LRRC4C: variants seen among roughly 807,000 people sequenced by gnomAD.
LRRC4C encodes the protein leucine rich repeat containing 4C, also known as leucine-rich repeat-containing protein 4C.
In LRRC4C, 5 loss-of-function variants were observed where a neutral mutation model predicts 33.6. The ratio of observed to expected loss-of-function variants is 0.15; its 90% CI spans 0.08 to 0.31. The LOEUF (loss-of-function observed/expected upper bound fraction) is 0.31, where lower values mean the gene tolerates loss of function less well. Among genes scored for constraint, LRRC4C ranks in the 10% least tolerant of loss-of-function variants. LRRC4C has a pLI of 1.00. For synonymous variants in LRRC4C, 329 were observed against 302.0 expected, an observed-to-expected ratio of 1.09 and a Z score of -0.93; for missense variants, 560 against 796.7, an observed-to-expected ratio of 0.70 and a Z score of 3.58.
chr11:40,794,373 CAA>C (rs57476895), intron 2 of LRRC4C, among the ~76,000 whole-genome samples: 3,730 of 76,294 alleles, frequency 0.049, 32 homozygotes, highest in African/African-American at 0.056. Context: ...TAAACGCCAG[CAA>C]AAAAAAAAAA....
intron 3 of LRRC4C, among the ~76,000 whole-genome samples, chr11:40,480,349 A>G (rs1953483618): frequency 6.6e-6 from 1 of 151,112 alleles, no homozygotes; most frequent in Non-Finnish European, 1.5e-5. Flanking sequence ...GAATTAAAAT[A>G]AATAAAAATA....
intron 2 of LRRC4C, among the ~76,000 whole-genome samples, chr11:40,658,580 G>T (rs1433312429): frequency 6.6e-6 from 1 of 152,142 alleles, no homozygotes; most frequent in Non-Finnish European, 1.5e-5. Flanking sequence ...CTAAGTGTGG[G>T]TGTGGCAATC....
intron 1 of LRRC4C, among the ~76,000 whole-genome samples, chr11:41,179,456 C>T (rs145984671): frequency 6.7e-4 from 102 of 152,270 alleles, no homozygotes; most frequent in African/African-American, 2.4e-3. Flanking sequence ...CCAATTTCAC[C>T]GTGGTTGCCT....
At chr11:41,394,384 G>A (rs746147153) in intron 1 of LRRC4C, among the ~76,000 whole-genome samples, 6 of 151,898 alleles carry the variant, frequency 4.0e-5, no homozygotes, top group Non-Finnish European at 8.8e-5. Flanking sequence ...TAGAGTATGC[G>A]TCTCTCCTTT....
chr11:40,527,958 C>G (rs1344997886), intron 3 of LRRC4C, among the ~76,000 whole-genome samples: 1 of 152,048 alleles, frequency 6.6e-6, no homozygotes, highest in African/African-American at 2.4e-5. Flanking sequence ...GTTGGTTAGG[C>G]TGGTCTCGAA....
intron 1 of LRRC4C, among the ~76,000 whole-genome samples, chr11:41,058,553 G>A (rs1395212347): frequency 1.3e-5 from 2 of 152,238 alleles, no homozygotes; most frequent in African/African-American, 4.8e-5. Flanking sequence ...GGTGCCACTG[G>A]CCACAGAGGT....
intron 3 of LRRC4C, among the ~76,000 whole-genome samples, chr11:40,603,139 T>A (rs1397334840): frequency 6.6e-6 from 1 of 152,094 alleles, no homozygotes; most frequent in Non-Finnish European, 1.5e-5. Context: ...CTGAGGACAA[T>A]TACTCACAAT....
chr11:41,164,680 T>C (rs1326606123), intron 1 of LRRC4C, among the ~76,000 whole-genome samples: 2 of 152,090 alleles, frequency 1.3e-5, no homozygotes, highest in East Asian at 3.9e-4. Flanking sequence ...TTCAACTCCA[T>C]TATAATTGTT....
At chr11:41,297,202 T>G (rs1950167535) in intron 1 of LRRC4C, among the ~76,000 whole-genome samples, 1 of 152,240 alleles carries the variant, frequency 6.6e-6, no homozygotes, top group African/African-American at 2.4e-5. Flanking sequence ...TTTGTGTATT[T>G]TTCAAGCAGG....
chr11:41,081,511 A>G (rs750885508), intron 1 of LRRC4C, among the ~76,000 whole-genome samples: 5 of 152,086 alleles, frequency 3.3e-5, no homozygotes, highest in Non-Finnish European at 7.3e-5. Context: ...TCTGCCTGCT[A>G]AACTTCTCTC....
At chr11:41,025,815 CA>C in intron 1 of LRRC4C, among the ~76,000 whole-genome samples, 1 of 151,804 alleles carries the variant, frequency 6.6e-6, no homozygotes, top group East Asian at 1.9e-4. Context: ...TGTCTAGTTT[CA>C]AAGCTTCAAA....
chr11:40,401,977 A>T (rs1949777532), intron 3 of LRRC4C, among the ~76,000 whole-genome samples: 1 of 152,068 alleles, frequency 6.6e-6, no homozygotes, highest in Non-Finnish European at 1.5e-5. Context: ...AAAAGAAAGG[A>T]GCCTGAAAAA....
chr11:40,251,058 C>T (rs1590821525), intron 4 of LRRC4C, among the ~76,000 whole-genome samples: 2 of 152,120 alleles, frequency 1.3e-5, no homozygotes, highest in South Asian at 4.1e-4. Flanking sequence ...ATGCTCCAAG[C>T]AGCAGTAGTA....
intron 6 of LRRC4C, among the ~76,000 whole-genome samples, chr11:40,121,330 T>C (rs1219955229): frequency 6.6e-6 from 1 of 152,240 alleles, no homozygotes; most frequent in South Asian, 2.1e-4. Flanking sequence ...AGTAATACTT[T>C]AAGAATTATA....
chr11:40,475,545 C>G (rs139573944), intron 3 of LRRC4C, among the ~76,000 whole-genome samples: 1 of 152,050 alleles, frequency 6.6e-6, no homozygotes, highest in East Asian at 1.9e-4. Context: ...CAAGTGTATA[C>G]CTCTGTAACA....
chr11:40,510,550 A>T (rs1162484248), intron 3 of LRRC4C, among the ~76,000 whole-genome samples: 1 of 152,224 alleles, frequency 6.6e-6, no homozygotes, highest in African/African-American at 2.4e-5. Flanking sequence ...GAGGATAAGT[A>T]TCTTGCCATT....
chr11:41,304,838 C>A (rs532255260), intron 1 of LRRC4C, among the ~76,000 whole-genome samples: 1 of 83,302 alleles, frequency 1.2e-5, no homozygotes, highest in Non-Finnish European at 2.7e-5. Context: ...GCCCCCCGCC[C>A]GGCCAGCCGC....
intron 1 of LRRC4C, among the ~76,000 whole-genome samples, chr11:41,172,372 T>A (rs889717574): frequency 1.3e-5 from 2 of 152,172 alleles, no homozygotes; most frequent in East Asian, 3.9e-4. Context: ...GGCCATATGC[T>A]TTTGAAGAAG....
chr11:40,752,585 TAAAC>T (rs751733648), intron 2 of LRRC4C, among the ~76,000 whole-genome samples: 3 of 150,750 alleles, frequency 2.0e-5, no homozygotes, highest in Non-Finnish European at 3.0e-5. Context: ...TTACTAAAAA[TAAAC>T]AAACAAAACA....
Sources: allele counts gnomAD v4.1 joint callset (sites outside exome capture counted in the v4.1 genomes callset), GRCh38; gene constraint gnomAD v4.1.1; transcripts MANE v1.5; gene names NCBI Gene and HGNC (gene_info 2026-07-23, HGNC 2026-07-21).